LAMC3: variants seen among roughly 807,000 people sequenced by gnomAD.
LAMC3 encodes laminin subunit gamma-3.
Under a neutral mutation model 173.8 loss-of-function variants are expected in LAMC3, and 128 were observed. That is an observed-to-expected ratio of 0.74 (90% CI 0.64 to 0.85). The LOEUF (loss-of-function observed/expected upper bound fraction) is 0.85, where lower values mean the gene tolerates loss of function less well. LAMC3 is among the 40% of genes least tolerant of loss of function. LAMC3 has a pLI of 0.00. For synonymous variants in LAMC3, 897 were observed against 909.1 expected, an observed-to-expected ratio of 0.99 and a Z score of 0.24; for missense variants, 2,022 against 2,156.0, an observed-to-expected ratio of 0.94 and a Z score of 1.23.
chr9:131,054,971 GTGTC>G (rs1448472745), intron 11 of LAMC3, among the ~76,000 whole-genome samples: 1 of 152,008 alleles, frequency 6.6e-6, no homozygotes, highest in Admixed American at 6.6e-5. Flanking sequence ...CTGGTTTTCT[GTGTC>G]TGGTGTGTAA....
chr9:131,058,012 T>C (rs1204031127), intron 12 of LAMC3, among the ~76,000 whole-genome samples: 1 of 152,254 alleles, frequency 6.6e-6, no homozygotes, highest in African/African-American at 2.4e-5. Flanking sequence ...TGCAGATGCA[T>C]GGCCAGCAGG....
At position 131,045,619 on chromosome 9, in the gene LAMC3, C is replaced by T; in HGVS notation, c.1478C>T (p.Ala493Val). 1 of 1,614,178 alleles carries T rather than the reference C, an allele frequency of 6.2e-7. No individual in the cohort carries two copies. Among genetic ancestry groups the T allele is most frequent in the East Asian group, 2.2e-5 (1 of 44,880 alleles). Residue 493 changes from alanine (A) to valine (V), a missense_variant, in exon 8 of 28, where the codon GCC (alanine) becomes GTC (valine). Transcript: ENST00000361069. The stretch of plus-strand genomic sequence containing the variant: ...CACTCCAAGGTGTGCGCGTCCACTG[C>T]CCAGTTCCAGGTGCATCACATCCTC... The part of the protein sequence containing the change: ...YGHSKVCAST[A>V]QFQVHHILSD...
intron 2 of LAMC3, 77 bp from the exon 3 acceptor site, chr9:131,031,968 A>G: frequency 6.2e-7 from 1 of 1,611,390 alleles, no homozygotes; most frequent in East Asian, 2.2e-5. Flanking sequence ...AGCCAGCTGG[A>G]TCTGCCAGCA....
In LAMC3 at chr9:131,032,603, T is replaced by G. The variant is rs1165445558; in HGVS notation, c.809+428T>G. Among the ~76,000 whole-genome samples, 10 of 61,500 alleles carry G rather than the reference T, an allele frequency of 1.6e-4. No individual in the cohort carries two copies. In the African/African-American group the frequency reaches 2.7e-3, roughly 16 times the overall value. 40.3% of individuals were successfully genotyped at this position (61,500 alleles called of 152,430 possible). A position where few individuals can be genotyped will look rare whatever the true frequency, so the allele number is the denominator to read the frequency against. Reference sequence around the variant, plus strand: ...CGCTTGCTCTCTTTCTCACTCGCTTTCTCTCTCTCTCTCTCTCTCTCACTC... The same window carrying G: ...CGCTTGCTCTCTTTCTCACTCGCTTGCTCTCTCTCTCTCTCTCTCTCACTC... On this transcript the variant is annotated intron_variant, in intron 3 of 27. Transcript: ENST00000361069.
intron 27 of LAMC3, among the ~76,000 whole-genome samples, chr9:131,089,388 T>C (rs1487996980): frequency 1.3e-5 from 2 of 151,864 alleles, no homozygotes; most frequent in Non-Finnish European, 2.9e-5. Context: ...ACTTTTAAAA[T>C]TTTTTTGGAG....
intron 1 of LAMC3, among the ~76,000 whole-genome samples, chr9:131,020,043 C>G (rs960996830): frequency 6.6e-6 from 1 of 151,992 alleles, no homozygotes; most frequent in Non-Finnish European, 1.5e-5. Flanking sequence ...GAGCTCAGTA[C>G]GAAGAGGCTT....
At chr9:131,031,069 C>T (rs969789250) in intron 2 of LAMC3, among the ~76,000 whole-genome samples, 9 of 152,226 alleles carry the variant, frequency 5.9e-5, no homozygotes, top group African/African-American at 2.2e-4. Context: ...CTGGCAGAGG[C>T]CCTGGGTCCC....
At chr9:131,060,452 T>TG (rs1564380747) in intron 12 of LAMC3, among the ~76,000 whole-genome samples, 1 of 152,076 alleles carries the variant, frequency 6.6e-6, no homozygotes, top group East Asian at 1.9e-4. Flanking sequence ...GAGACCAGCC[T>TG]GGCCAACATG....
At chr9:131,066,848 G>A in intron 13 of LAMC3, 112 bp from the exon 14 acceptor site, 1 of 1,439,038 alleles carries the variant, frequency 6.9e-7, no homozygotes. Context: ...TCCTGCCCAA[G>A]CCCGTGCTGC....
chr9:131,036,040 C>A, intron 3 of LAMC3, 126 bp from the exon 4 acceptor site: 1 of 958,930 alleles, frequency 1.0e-6, no homozygotes, highest in Non-Finnish European at 1.7e-6. Context: ...AGTAGGTGTT[C>A]AGTGAGGGCC....
At chr9:131,067,324 A>G in intron 14 of LAMC3, 119 bp downstream of exon 14, 1 of 1,278,002 alleles carries the variant, frequency 7.8e-7, no homozygotes, top group Non-Finnish European at 1.1e-6. Flanking sequence ...CTCCTCTGCA[A>G]GGCTGTCCAG....
rs755855748 is a variant in LAMC3, at chr9:131,052,971, T to A, written c.1939+6T>A. On this transcript the variant is annotated splice_donor_region_variant and intron_variant, in intron 11 of 27. Coordinates refer to ENST00000361069, the MANE Select transcript of LAMC3 (RefSeq NM_006059.4). ...TCCCGGCCCCAGCCCTGCCGGTCAG[T>A]AAAGACAACCACATGCCCAAGACCC... is the stretch of plus-strand genomic sequence containing the variant. 15 of 1,601,440 alleles carry A rather than the reference T, an allele frequency of 9.4e-6. No individual in the cohort carries two copies. In the Admixed American group the frequency reaches 2.5e-4, roughly 27 times the overall value.
chr9:131,043,912 G>A (rs1834100480), intron 7 of LAMC3, among the ~76,000 whole-genome samples: 1 of 150,450 alleles, frequency 6.6e-6, no homozygotes, highest in African/African-American at 2.4e-5. Context: ...AGGAGGTCGA[G>A]CTTAATCCCC....
intron 7 of LAMC3, among the ~76,000 whole-genome samples, chr9:131,042,442 C>T (rs998257592): frequency 3.3e-5 from 5 of 151,906 alleles, no homozygotes; most frequent in South Asian, 2.1e-4. Flanking sequence ...TTACCCACAG[C>T]AGATATCACT....
At chr9:131,015,060 G>A (rs1833495390) in intron 1 of LAMC3, among the ~76,000 whole-genome samples, 1 of 152,220 alleles carries the variant, frequency 6.6e-6, no homozygotes, top group Non-Finnish European at 1.5e-5. Context: ...ATTTAGCCCT[G>A]TTATTGTTAT....
At chr9:131,048,998 G>C (rs1247650649) in intron 8 of LAMC3, 22 bp from the exon 9 acceptor site, 1 of 1,468,042 alleles carries the variant, frequency 6.8e-7, no homozygotes, top group Non-Finnish European at 9.3e-7. Flanking sequence ...CTGATCGGGG[G>C]GTGTCTGTGT....
chr9:131,050,739 G>A (rs892599719), intron 9 of LAMC3, among the ~76,000 whole-genome samples: 4 of 150,982 alleles, frequency 2.6e-5, no homozygotes, highest in African/African-American at 4.9e-5. Context: ...CTACACTCCA[G>A]CCTGGGCGAC....
At position 131,069,061 on chromosome 9, in the gene LAMC3, T is replaced by C. The variant is rs559449051; in HGVS notation, c.2890+11T>C. ...TCAAGGGCTGCCGGGGTAAGGAGGC[T>C]GGGTCCTTCCCGGGCTGCCCTGAGG... On this transcript the variant is annotated intron_variant, in intron 16 of 27. Coordinates refer to ENST00000361069, the MANE Select transcript of LAMC3 (RefSeq NM_006059.4). 1 of 1,613,140 alleles carries C rather than the reference T, an allele frequency of 6.2e-7. No individual in the cohort carries two copies. The highest frequency in any genetic ancestry group is 8.5e-7 in the Non-Finnish European group (1 of 1,179,872).
At position 131,026,343 on chromosome 9, in the gene LAMC3, C is replaced by T. The variant is rs1205913702; in HGVS notation, c.432C>T (p.Ser144=). The T allele has an allele frequency of 1.2e-6, 2 of 1,614,062 alleles. No individual in the cohort carries two copies. The highest frequency in any genetic ancestry group is 1.3e-5 in the African/African-American group (1 of 74,948). Residue 144 remains serine (S), a synonymous_variant, in exon 2 of 28, where the codon AGC becomes AGT. Coordinates refer to ENST00000361069, the MANE Select transcript of LAMC3 (RefSeq NM_006059.4). This position sits in a 1 kb window ranked among gnomAD's most constrained non-coding sequence, Gnocchi z 4.8. The part of the protein sequence containing the change: ...RLKFHTSRPE[S]FAIYKRSRAD... ...AGTTCCACACCAGTCGCCCTGAGAG[C>T]TTTGCCATCTACAAGCGCAGCCGCG...
Sources: gnomAD v4.1 joint callset for allele counts (sites outside exome capture counted in the v4.1 genomes callset) on GRCh38, gnomAD v4.1.1 for gene constraint, Gnocchi (gnomAD v3.1) non-coding constraint, MANE v1.5 for transcripts, NCBI Gene and HGNC (gene_info 2026-07-23, HGNC 2026-07-21) for gene names.